DPP10: variants seen among roughly 807,000 people sequenced by gnomAD.
The protein encoded by DPP10 is dipeptidyl peptidase like 10, also known as inactive dipeptidyl peptidase 10.
A neutral mutation model predicts 120.9 loss-of-function variants in DPP10; 33 were observed. The ratio of observed to expected loss-of-function variants is 0.27; its 90% CI spans 0.21 to 0.37. DPP10 has a LOEUF of 0.37. DPP10 is among the 10% of genes least tolerant of loss of function. The pLI, the probability that DPP10 is intolerant of heterozygous loss-of-function variation, is 1.00. For missense variants in DPP10, 816 were observed against 942.8 expected (o/e 0.87, Z 1.76); for synonymous variants, 337 against 326.1 (o/e 1.03, Z -0.36).
intron 17 of DPP10, among the ~76,000 whole-genome samples, chr2:115,784,006 G>T (rs1683064169): frequency 1.3e-5 from 2 of 152,120 alleles, no homozygotes; most frequent in South Asian, 4.1e-4. Context: ...TTTCCAATCT[G>T]ATTTTAATTT....
chr2:115,365,587 G>A (rs1376791324), intron 3 of DPP10, among the ~76,000 whole-genome samples: 1 of 151,426 alleles, frequency 6.6e-6, no homozygotes, highest in Admixed American at 6.6e-5. Flanking sequence ...TTTCTCCTTG[G>A]TTTTTTAAAC....
intron 1 of DPP10, among the ~76,000 whole-genome samples, chr2:114,906,575 G>C (rs536627565): frequency 6.6e-6 from 1 of 152,160 alleles, no homozygotes; most frequent in African/African-American, 2.4e-5. Context: ...AAAGAAGTTT[G>C]TATTTTTCTA....
Position 115,790,183 on chromosome 2 carries a change from C to T in DPP10, c.1532-898C>T, listed in dbSNP as rs1404831980. ...CAAGCTCCGCTTCCCGGGTTCACGC[C>T]ATTCTCCTGCCTCAGCCTCCCGAGT... On this transcript the variant is annotated intron_variant, in intron 17 of 25. Transcript: ENST00000410059. Among the ~76,000 whole-genome samples the T allele has an allele frequency of 1.3e-5, 2 of 151,228 alleles. 1 individual carries two copies. Among genetic ancestry groups the T allele is most frequent in the African/African-American group, 4.9e-5 (2 of 41,130 alleles).
intron 1 of DPP10, among the ~76,000 whole-genome samples, chr2:115,195,034 G>A (rs2055163056): frequency 6.6e-6 from 1 of 152,154 alleles, no homozygotes; most frequent in South Asian, 2.1e-4. Flanking sequence ...CAGATTTGGG[G>A]ATATATTTTG....
intron 1 of DPP10, among the ~76,000 whole-genome samples, chr2:114,946,673 A>G (rs1697368325): frequency 6.6e-6 from 1 of 151,952 alleles, no homozygotes; most frequent in Non-Finnish European, 1.5e-5. Context: ...TTATACATCA[A>G]TAGATTTTTC....
At chr2:114,453,323 G>C (rs1344254152) in intron 1 of DPP10, among the ~76,000 whole-genome samples, 1 of 152,080 alleles carries the variant, frequency 6.6e-6, no homozygotes, top group African/African-American at 2.4e-5. Flanking sequence ...TGAGCAAAAG[G>C]GCAGGTAGAA....
chr2:114,618,501 C>G (rs1163899934), intron 1 of DPP10, among the ~76,000 whole-genome samples: 1 of 151,922 alleles, frequency 6.6e-6, no homozygotes, highest in Non-Finnish European at 1.5e-5. Flanking sequence ...TATTTTCACC[C>G]ACCACATTTC....
intron 1 of DPP10, among the ~76,000 whole-genome samples, chr2:115,059,685 G>GGA (rs1553479739): frequency 8.6e-6 from 1 of 116,346 alleles, no homozygotes; most frequent in Non-Finnish European, 1.7e-5. Context: ...ACCTCAACAG[G>GGA]AAAAAAAAAA....
chr2:115,651,015 A>G (rs961525624), intron 5 of DPP10, among the ~76,000 whole-genome samples: 2 of 152,006 alleles, frequency 1.3e-5, no homozygotes, highest in Admixed American at 6.6e-5. Flanking sequence ...CCATGCCACC[A>G]TACCTTATGC....
At chr2:115,588,250 T>C (rs190849506) in intron 5 of DPP10, among the ~76,000 whole-genome samples, 1 of 152,236 alleles carries the variant, frequency 6.6e-6, no homozygotes, top group Non-Finnish European at 1.5e-5. Flanking sequence ...TGTTTGGTGA[T>C]CTAGTTCCTC....
intron 1 of DPP10, among the ~76,000 whole-genome samples, chr2:114,928,502 T>A (rs895742243): frequency 2.0e-5 from 3 of 152,138 alleles, no homozygotes; most frequent in African/African-American, 7.2e-5. Flanking sequence ...CTCCCAAGGC[T>A]TAGGGCAGCC....
chr2:114,952,265 C>T (rs999893531), intron 1 of DPP10, among the ~76,000 whole-genome samples: 5 of 151,918 alleles, frequency 3.3e-5, no homozygotes, highest in African/African-American at 1.2e-4. Context: ...TATATATATG[C>T]AAATAAATTC....
chr2:115,787,672 A>C (rs1017641396), intron 17 of DPP10, among the ~76,000 whole-genome samples: 1 of 152,194 alleles, frequency 6.6e-6, no homozygotes, highest in Admixed American at 6.5e-5. Context: ...TTGATGCAAT[A>C]ACGGCCAAAA....
At chr2:115,488,878 AAT>A (rs1491163849) in intron 3 of DPP10, among the ~76,000 whole-genome samples, 2 of 54,146 alleles carry the variant, frequency 3.7e-5, no homozygotes, top group East Asian at 1.3e-3. Context: ...CTTAGAGTAT[AAT>A]AAAAAAAAAA....
At chr2:114,446,194 A>G (rs1268203769) in intron 1 of DPP10, among the ~76,000 whole-genome samples, 3 of 152,196 alleles carry the variant, frequency 2.0e-5, no homozygotes, top group Admixed American at 6.5e-5. Flanking sequence ...TCTTGGCTGC[A>G]CTGAAAGTAA....
intron 5 of DPP10, among the ~76,000 whole-genome samples, chr2:115,567,299 C>A (rs1250327313): frequency 6.6e-6 from 1 of 152,060 alleles, no homozygotes; most frequent in African/African-American, 2.4e-5. Context: ...CTTTTCAATC[C>A]ATTTTTAAAC....
Position 114,673,233 on chromosome 2 carries a change from C to T in DPP10, c.60+230395C>T, listed in dbSNP as rs560164329. Among the ~76,000 whole-genome samples the T allele has an allele frequency of 4.7e-4, 72 of 152,230 alleles. 1 individual carries two copies. Among genetic ancestry groups the T allele is most frequent in the African/African-American group, 1.7e-3 (70 of 41,544 alleles). On this transcript the variant is annotated intron_variant, in intron 1 of 25. Transcript: ENST00000410059. Reference sequence around the variant, plus strand: ...GCTTCAGTGTGTTGTTGGCTTAAATCCTTGCTCCCTCCATAGTTCCACCCA... The same window carrying T: ...GCTTCAGTGTGTTGTTGGCTTAAATTCTTGCTCCCTCCATAGTTCCACCCA...
intron 1 of DPP10, among the ~76,000 whole-genome samples, chr2:114,604,611 T>A (rs1226505023): frequency 6.6e-6 from 1 of 152,084 alleles, no homozygotes; most frequent in African/African-American, 2.4e-5. Context: ...GTCCTTTAAA[T>A]GTTGATTGAT....
chr2:114,822,292 A>G (rs1285647874), intron 1 of DPP10, among the ~76,000 whole-genome samples: 1 of 152,340 alleles, frequency 6.6e-6, no homozygotes, highest in Non-Finnish European at 1.5e-5. Flanking sequence ...CTCTGAAGCC[A>G]TGACCCAATC....
Sources: allele counts gnomAD v4.1 joint callset (sites outside exome capture counted in the v4.1 genomes callset), GRCh38; gene constraint gnomAD v4.1.1; transcripts MANE v1.5; gene names NCBI Gene and HGNC (gene_info 2026-07-23, HGNC 2026-07-21).